Variants in RCOR1 observed in about 807,000 individuals in gnomAD.
The protein encoded by RCOR1 is REST corepressor 1.
In RCOR1, 12 loss-of-function variants were observed where a neutral mutation model predicts 64.0. The observed-to-expected ratio is 0.19, with a 90% CI of 0.12 to 0.30. The LOEUF (loss-of-function observed/expected upper bound fraction) is 0.30, where lower values mean the gene tolerates loss of function less well. Among genes scored for constraint, RCOR1 ranks in the 10% least tolerant of loss-of-function variants. The pLI, the probability that RCOR1 is intolerant of heterozygous loss-of-function variation, is 1.00. For missense variants in RCOR1, 502 were observed against 621.2 expected, an observed-to-expected ratio of 0.81 and a Z score of 2.04; for synonymous variants, 279 against 227.2, an observed-to-expected ratio of 1.23 and a Z score of -2.05.
intron 2 of RCOR1, among the ~76,000 whole-genome samples, chr14:102,649,009 A>G (rs1054999101): frequency 3.9e-5 from 6 of 152,002 alleles, no homozygotes; most frequent in African/African-American, 1.4e-4. Context: ...CACATGTAGT[A>G]GAAGTTTGGA....
At chr14:102,682,534 C>T (rs1225070365) in intron 3 of RCOR1, among the ~76,000 whole-genome samples, 3 of 152,188 alleles carry the variant, frequency 2.0e-5, no homozygotes, top group African/African-American at 7.2e-5. Context: ...AATAAGTTTG[C>T]TTCCATATGT....
chr14:102,624,274 T>G (rs2139903055), intron 2 of RCOR1, among the ~76,000 whole-genome samples: 1 of 151,868 alleles, frequency 6.6e-6, no homozygotes, highest in East Asian at 1.9e-4. Context: ...GAGGCCGAAG[T>G]GGGCGGATCA....
rs531378590 is a variant in RCOR1, at chr14:102,657,197, G to A, written c.362-24698G>A. The stretch of plus-strand genomic sequence containing the variant: ...ATATTTTTGAGGATATCTTTGCAAA[G>A]TGTTGTGCCTCACGGTGCTGGATAT... On this transcript the variant is annotated intron_variant, in intron 2 of 11. Coordinates refer to ENST00000262241, the MANE Select transcript of RCOR1 (RefSeq NM_015156.4). The A allele has an allele frequency of 5.3e-5, 52 of 985,030 alleles. No individual in the cohort carries two copies. The African/African-American group carries it at 7.5e-4, about 14-fold the overall frequency. The allele number at this position is 985,030 out of a possible 1,614,324, so 61.0% of individuals were successfully genotyped here. A position where few individuals can be genotyped will look rare whatever the true frequency, so the allele number is the denominator to read the frequency against.
intron 3 of RCOR1, among the ~76,000 whole-genome samples, chr14:102,689,016 C>G (rs1895477355): frequency 6.6e-6 from 1 of 152,228 alleles, no homozygotes; most frequent in Admixed American, 6.5e-5. Context: ...CACCACTGCA[C>G]TGCGCAGTGT....
chr14:102,618,343 G>T (rs1181878920), intron 2 of RCOR1, among the ~76,000 whole-genome samples: 1 of 151,856 alleles, frequency 6.6e-6, no homozygotes, highest in Non-Finnish European at 1.5e-5. Context: ...AGGGACTGAT[G>T]CCTGTAATCC....
At chr14:102,692,999 C>CA (rs996939436) in intron 3 of RCOR1, among the ~76,000 whole-genome samples, 1 of 152,076 alleles carries the variant, frequency 6.6e-6, no homozygotes, top group African/African-American at 2.4e-5. Flanking sequence ...TTCCTGACCT[C>CA]AAGTGATTGA....
At chr14:102,717,722 C>T (rs777688755) in intron 8 of RCOR1, among the ~76,000 whole-genome samples, 2 of 152,026 alleles carry the variant, frequency 1.3e-5, no homozygotes, top group African/African-American at 2.4e-5. Context: ...GAAAAAGAGG[C>T]CTTCCTCTTG....
intron 2 of RCOR1, among the ~76,000 whole-genome samples, chr14:102,611,964 A>G (rs985981391): frequency 6.6e-6 from 1 of 152,072 alleles, no homozygotes; most frequent in Non-Finnish European, 1.5e-5. Context: ...GGGCTATACC[A>G]TGCCTGGTTA....
chr14:102,715,543 G>A (rs1017507875), intron 8 of RCOR1, among the ~76,000 whole-genome samples: 1 of 150,920 alleles, frequency 6.6e-6, no homozygotes, highest in Non-Finnish European at 1.5e-5. Context: ...CATCACACCT[G>A]GCTAATTTTT....
intron 2 of RCOR1, among the ~76,000 whole-genome samples, chr14:102,611,944 C>T (rs1459301778): frequency 6.6e-6 from 1 of 152,160 alleles, no homozygotes; most frequent in African/African-American, 2.4e-5. Context: ...CCATGCACCC[C>T]ATATAGCTGG....
At chr14:102,598,709 G>T (rs1214929250) in intron 2 of RCOR1, among the ~76,000 whole-genome samples, 1 of 152,020 alleles carries the variant, frequency 6.6e-6, no homozygotes. Context: ...CGGCCTCCCA[G>T]AGTGCTGGGA....
chr14:102,724,394 G>A (rs920399254), intron 11 of RCOR1, among the ~76,000 whole-genome samples: 15 of 151,290 alleles, frequency 9.9e-5, no homozygotes, highest in African/African-American at 3.6e-4. Flanking sequence ...GCTCAATCTC[G>A]GCTCACTGCA....
intron 2 of RCOR1, among the ~76,000 whole-genome samples, chr14:102,645,161 C>T (rs982845522): frequency 6.6e-6 from 1 of 152,100 alleles, no homozygotes; most frequent in Non-Finnish European, 1.5e-5. Context: ...TCCTTGGGCT[C>T]CTTGTGTGTC....
chr14:102,681,968 A>G lies in RCOR1; in HGVS notation c.435A>G (p.Ser145=), dbSNP rs1394100106. 1.9e-6 allele frequency: 3 copies of G among 1,612,246 alleles called. No individual in the cohort carries two copies. Among genetic ancestry groups the G allele is most frequent in the Non-Finnish European group, 2.5e-6 (3 of 1,178,294 alleles). ...TCTGGTCACCCAATCAAAATCTGTC[A>G]GAAGCAAAGTGTAAGTCTTGGAGCA... The part of the protein sequence containing the change: ...MLVWSPNQNL[S]EAKLDEYIAI... Residue 145 remains serine, a synonymous_variant, in exon 3 of 12, where the codon TCA becomes TCG. Transcript: ENST00000262241.
chr14:102,614,483 C>CA (rs1401367418), intron 2 of RCOR1, among the ~76,000 whole-genome samples: 2 of 152,064 alleles, frequency 1.3e-5, no homozygotes, highest in Non-Finnish European at 2.9e-5. Context: ...CTCGGCCTCC[C>CA]AAAGTGCTGG....
intron 3 of RCOR1, among the ~76,000 whole-genome samples, chr14:102,683,781 C>T (rs1036460572): frequency 2.0e-5 from 3 of 152,244 alleles, no homozygotes; most frequent in Non-Finnish European, 4.4e-5. Context: ...GCTTCCGGGT[C>T]CCTCTTGCCA....
intron 2 of RCOR1, among the ~76,000 whole-genome samples, chr14:102,611,261 T>A (rs1350453685): frequency 6.6e-6 from 1 of 152,012 alleles, no homozygotes; most frequent in East Asian, 1.9e-4. Flanking sequence ...TTAGTAGAGA[T>A]AGGGTTTCAC....
At chr14:102,689,862 G>A (rs1028501990) in intron 3 of RCOR1, among the ~76,000 whole-genome samples, 2 of 152,122 alleles carry the variant, frequency 1.3e-5, no homozygotes, top group Admixed American at 6.6e-5. Context: ...TCCTGCCTCA[G>A]CCTCCCTAGT....
At chr14:102,716,810 C>T (rs1037565596) in intron 8 of RCOR1, among the ~76,000 whole-genome samples, 1 of 152,124 alleles carries the variant, frequency 6.6e-6, no homozygotes, top group African/African-American at 2.4e-5. Flanking sequence ...TATCCCTGGC[C>T]TTTTACTTTC....
Sources: allele counts gnomAD v4.1 joint callset (sites outside exome capture counted in the v4.1 genomes callset), GRCh38; gene constraint gnomAD v4.1.1; transcripts MANE v1.5; gene names NCBI Gene and HGNC (gene_info 2026-07-23, HGNC 2026-07-21).